Variants in ATP1B3 observed in about 807,000 individuals in gnomAD.
The protein encoded by ATP1B3 is sodium/potassium-transporting ATPase subunit beta-3.
Under a neutral mutation model 30.2 loss-of-function variants are expected in ATP1B3, and 10 were observed. The observed-to-expected ratio is 0.33, with a 90% CI of 0.20 to 0.56. The LOEUF (loss-of-function observed/expected upper bound fraction) is 0.56. ATP1B3 is among the 20% of genes least tolerant of loss of function. The pLI is 0.90. For missense variants in ATP1B3, 238 were observed against 336.7 expected (o/e 0.71, Z 2.29); for synonymous variants, 113 against 117.0 (o/e 0.97, Z 0.22).
intron 1 of ATP1B3, among the ~76,000 whole-genome samples, chr3:141,891,604 AT>A (rs1259089009): frequency 2.0e-5 from 3 of 152,042 alleles, no homozygotes; most frequent in Non-Finnish European, 2.9e-5. Flanking sequence ...TTTTCATTAC[AT>A]TTTGTGTCCA....
chr3:141,918,403 A>G (rs1934506577), intron 5 of ATP1B3: 1 of 152,078 alleles, frequency 6.6e-6, no homozygotes, highest in African/African-American at 2.4e-5. Context: ...AAAGCTTTAA[A>G]TTGTGTAAAC....
chr3:141,887,884 G>A (rs1008411569), intron 1 of ATP1B3, among the ~76,000 whole-genome samples: 2 of 152,204 alleles, frequency 1.3e-5, no homozygotes, highest in African/African-American at 2.4e-5. Context: ...ACCCAGAACG[G>A]TGGTTGCCTT....
At chr3:141,911,722 T>C (rs1200797552) in intron 3 of ATP1B3, among the ~76,000 whole-genome samples, 1 of 152,186 alleles carries the variant, frequency 6.6e-6, no homozygotes, top group Admixed American at 6.5e-5. Context: ...CTCAAACTCC[T>C]AGCCTCAAGT....
chr3:141,876,761 T>TC lies in ATP1B3; in HGVS notation c.-37dup, dbSNP rs1933598841. ...GCCTCCGCAGCCCTCGCCGCCTCCA[T>TC]CCCCGCGGCCGCAGCTCCTCTCGCC... On this transcript the variant is annotated 5_prime_UTR_variant, in exon 1 of 7. Transcript: ENST00000286371. 1.3e-6 allele frequency: 2 copies of TC among 1,526,778 alleles called. No homozygotes were observed. The highest frequency in any genetic ancestry group is 1.8e-5 in the Admixed American group (1 of 56,864). The allele number at this position is 1,526,778 out of a possible 1,614,324, so 94.6% of individuals were successfully genotyped here.
chr3:141,910,441 TTTTCTTA>T lies in ATP1B3; in HGVS notation c.346+3168_346+3174del, dbSNP rs1934338778. The stretch of plus-strand genomic sequence containing the variant: ...AATTATTATTTATCACTTTTATACA[TTTTCTTA>T]GTTCACATGTCTCAGACCTTCCCTC... On this transcript the variant is annotated intron_variant, in intron 3 of 6. Transcript: ENST00000286371. Among the ~76,000 whole-genome samples, 4 of 152,128 alleles carry T rather than the reference TTTTCTTA, an allele frequency of 2.6e-5. No homozygotes were observed. The South Asian group carries it at 6.2e-4, about 24-fold the overall frequency.
At chr3:141,916,425 G>T (rs1478213856) in intron 5 of ATP1B3, 1 of 554,168 alleles carries the variant, frequency 1.8e-6, no homozygotes, top group East Asian at 6.7e-5. Flanking sequence ...ATGAAATATG[G>T]TGCATTTTCC....
intron 1 of ATP1B3, among the ~76,000 whole-genome samples, chr3:141,889,758 C>T (rs13073125): frequency 0.49 from 30,700 of 62,586 alleles, 6,713 homozygotes; most frequent in African/African-American, 0.62. Flanking sequence ...AAAATATATA[C>T]ACACACACAC....
intron 3 of ATP1B3, among the ~76,000 whole-genome samples, chr3:141,911,616 T>C (rs979658247): frequency 2.6e-5 from 4 of 151,858 alleles, no homozygotes; most frequent in African/African-American, 9.7e-5. Context: ...TGCCTCAGCC[T>C]TCCAAGCAGC....
At chr3:141,912,279 T>A (rs1934377567) in intron 3 of ATP1B3, among the ~76,000 whole-genome samples, 1 of 126,460 alleles carries the variant, frequency 7.9e-6, no homozygotes, top group Non-Finnish European at 1.9e-5. Flanking sequence ...ATTTATTTAT[T>A]TATTTATTTA....
chr3:141,897,082 T>TG lies in ATP1B3; in HGVS notation c.110-6537dup, dbSNP rs578208377. 1.6e-3 allele frequency among the ~76,000 whole-genome samples: 238 copies of TG among 152,280 alleles called. 1 individual carries two copies. The highest frequency in any genetic ancestry group is 3.7e-3 in the South Asian group (18 of 4,824). On this transcript the variant is annotated intron_variant, in intron 1 of 6. Transcript: ENST00000286371. The stretch of plus-strand genomic sequence containing the variant: ...GCTCCCTGTTCCCACTTCAAGCAGA[T>TG]GCTGCTGCTACTGTTGCTAGTTGCT...
intron 1 of ATP1B3, among the ~76,000 whole-genome samples, chr3:141,877,231 C>T (rs1933620679): frequency 6.6e-6 from 1 of 151,920 alleles, no homozygotes; most frequent in Admixed American, 6.6e-5. Context: ...CCGGGGACCC[C>T]TGCCCGAAGC....
intron 3 of ATP1B3, among the ~76,000 whole-genome samples, chr3:141,909,018 C>A (rs6782694): frequency 0.14 from 21,156 of 152,106 alleles, 1,708 homozygotes; most frequent in Middle Eastern, 0.19. Flanking sequence ...TGTACTCTCT[C>A]TTCTTGTGTG....
chr3:141,925,951 A>G lies in ATP1B3; in HGVS notation c.*250A>G, dbSNP rs1934651525. 7.1e-6 allele frequency: 3 copies of G among 420,324 alleles called. No individual in the cohort carries two copies. The South Asian group carries it at 1.9e-4, about 26-fold the overall frequency. 26.0% of individuals were successfully genotyped at this position (420,324 alleles called of 1,614,324 possible). ...GGGACCGGTGAACACCTGATTCCAA[A>G]CATGTAGGATGGGGGTCTTGTCCTC... On this transcript the variant is annotated 3_prime_UTR_variant, in exon 7 of 7. Transcript: ENST00000286371.
Position 141,925,579 on chromosome 3 carries a change from A to G in ATP1B3, c.718A>G (p.Asn240Asp), listed in dbSNP as rs750790206. 9.3e-6 allele frequency: 15 copies of G among 1,613,748 alleles called. No homozygotes were observed. The highest frequency in any genetic ancestry group is 1.7e-4 in the Middle Eastern group (1 of 6,052). Residue 240 changes from asparagine (N) to aspartate (D), a missense_variant, in exon 7 of 7, where the codon AAC (asparagine) becomes GAC (aspartate). Around this residue, in one of 3 missense-constraint regions of ATP1B3, gnomAD observed 50 missense variants for 62.3 expected, o/e 0.80. Transcript: ENST00000286371. ...LVAVQVSFAP[N>D]NTGKEVTVEC... The stretch of plus-strand genomic sequence containing the variant: ...TGCTGTTCAGGTCAGCTTTGCTCCT[A>G]ACAACACTGGGAAAGAAGTAACAGT...
chr3:141,906,781 CG>C (rs765086047), intron 2 of ATP1B3, among the ~76,000 whole-genome samples: 4 of 152,158 alleles, frequency 2.6e-5, no homozygotes, highest in Admixed American at 6.6e-5. Context: ...GACAAAAGTA[CG>C]TAGGCTTTGA....
intron 2 of ATP1B3, 77 bp from the exon 3 acceptor site, chr3:141,907,090 G>C (rs1934276590): frequency 1.8e-6 from 2 of 1,094,550 alleles, no homozygotes; most frequent in South Asian, 3.4e-5. Flanking sequence ...AATTTGCTGA[G>C]ATCTGCTTTT....
At chr3:141,917,017 ATT>A (rs63326663) in intron 5 of ATP1B3, among the ~76,000 whole-genome samples, 151 of 122,890 alleles carry the variant, frequency 1.2e-3, no homozygotes, top group Admixed American at 1.4e-3. Context: ...CTCCCGGCTA[ATT>A]TTTTTTTTTT....
chr3:141,924,450 C>T (rs1404014510), intron 6 of ATP1B3, among the ~76,000 whole-genome samples: 1 of 151,486 alleles, frequency 6.6e-6, no homozygotes, highest in Non-Finnish European at 1.5e-5. Flanking sequence ...ACCAGCCTGG[C>T]CAACTTCAGT....
intron 1 of ATP1B3, 137 bp downstream of exon 1, chr3:141,877,047 G>T: frequency 2.0e-6 from 1 of 496,634 alleles, no homozygotes. Context: ...CCGGGCGGCG[G>T]CGGCGCAGTG....
Sources: gnomAD v4.1 joint callset for allele counts (sites outside exome capture counted in the v4.1 genomes callset) on GRCh38, gnomAD v4.1.1 for gene constraint, gnomAD v4.1.1 regional missense constraint, MANE v1.5 for transcripts, NCBI Gene and HGNC (gene_info 2026-07-23, HGNC 2026-07-21) for gene names.